The following GMDS variants were observed in gnomAD, a reference collection of about 807,000 sequenced individuals.
The protein encoded by GMDS is GDP-mannose 4,6 dehydratase.
Under a neutral mutation model 49.9 loss-of-function variants are expected in GMDS, and 20 were observed. That is an observed-to-expected ratio of 0.40 (90% confidence interval 0.28 to 0.58). The LOEUF (loss-of-function observed/expected upper bound fraction) is 0.58, where lower values mean the gene tolerates loss of function less well. Ranked by LOEUF, GMDS falls within the 20% of genes least tolerant of loss-of-function variation. The pLI is 0.42. For missense variants in GMDS, 362 were observed against 481.4 expected (o/e 0.75, Z 2.32); for synonymous variants, 177 against 178.6 (o/e 0.99, Z 0.07).
At chr6:1,883,933 T>G (rs1163659363) in intron 7 of GMDS, among the ~76,000 whole-genome samples, 2 of 152,222 alleles carry the variant, frequency 1.3e-5, no homozygotes, top group Non-Finnish European at 1.5e-5. Flanking sequence ...ATTACAAAAT[T>G]TATTACCTAG....
At chr6:1,715,145 A>T (rs1321048813) in intron 9 of GMDS, among the ~76,000 whole-genome samples, 1 of 152,242 alleles carries the variant, frequency 6.6e-6, no homozygotes, top group Non-Finnish European at 1.5e-5. Flanking sequence ...GTGAAAAGAC[A>T]TGTATAGAGG....
chr6:1,936,690 G>A (rs556115236), intron 6 of GMDS, among the ~76,000 whole-genome samples: 37 of 152,178 alleles, frequency 2.4e-4, no homozygotes, highest in Non-Finnish European at 5.4e-4. Context: ...ATAGAGGCCA[G>A]GCACAGTGGC....
At chr6:2,214,345 G>A (rs533265237) in intron 1 of GMDS, among the ~76,000 whole-genome samples, 122 of 152,130 alleles carry the variant, frequency 8.0e-4, no homozygotes, top group African/African-American at 2.5e-3. Context: ...TCCTCATTGA[G>A]GATTCAACCA....
chr6:1,897,407 G>T (rs1760257184), intron 7 of GMDS, among the ~76,000 whole-genome samples: 1 of 152,132 alleles, frequency 6.6e-6, no homozygotes. Context: ...AATTTTGGTT[G>T]GGGTTAGGTG....
chr6:1,866,787 T>A (rs1177998728), intron 7 of GMDS, among the ~76,000 whole-genome samples: 1 of 152,154 alleles, frequency 6.6e-6, no homozygotes. Flanking sequence ...GGGAGTACAC[T>A]TGCCACACAG....
intron 7 of GMDS, among the ~76,000 whole-genome samples, chr6:1,845,877 C>T (rs1035930428): frequency 2.0e-5 from 3 of 152,070 alleles, no homozygotes; most frequent in Admixed American, 2.0e-4. Flanking sequence ...TCCTAACAGG[C>T]CATGGACCAG....
intron 4 of GMDS, among the ~76,000 whole-genome samples, chr6:2,093,918 C>T (rs1420660372): frequency 6.6e-6 from 1 of 152,100 alleles, no homozygotes; most frequent in African/African-American, 2.4e-5. Flanking sequence ...ACCTGGAAAA[C>T]AGTGCTTATG....
chr6:2,190,717 ACCTATCACTG>A (rs1303368662), intron 1 of GMDS, among the ~76,000 whole-genome samples: 1 of 152,202 alleles, frequency 6.6e-6, no homozygotes, highest in African/African-American at 2.4e-5. Flanking sequence ...ACTTGGCAGC[ACCTATCACTG>A]CCTATCACAA....
chr6:1,943,397 A>G (rs1762910888), intron 6 of GMDS, among the ~76,000 whole-genome samples: 1 of 152,012 alleles, frequency 6.6e-6, no homozygotes, highest in Non-Finnish European at 1.5e-5. Context: ...ACTCACCTCA[A>G]CTGTGAGCTT....
At chr6:2,048,682 T>G (rs1770176680) in intron 4 of GMDS, among the ~76,000 whole-genome samples, 1 of 152,216 alleles carries the variant, frequency 6.6e-6, no homozygotes, top group Non-Finnish European at 1.5e-5. Flanking sequence ...TACTTTCTCT[T>G]AAGTCTTCTA....
intron 7 of GMDS, among the ~76,000 whole-genome samples, chr6:1,793,103 A>G (rs1450392107): frequency 6.6e-6 from 1 of 151,948 alleles, no homozygotes; most frequent in Non-Finnish European, 1.5e-5. Context: ...CCCTATCTAC[A>G]CTCACTGCAA....
At chr6:2,167,803 C>G (rs1777742624) in intron 1 of GMDS, among the ~76,000 whole-genome samples, 1 of 152,090 alleles carries the variant, frequency 6.6e-6, no homozygotes, top group African/African-American at 2.4e-5. Context: ...ACTTCCATTT[C>G]GGCAACATCC....
chr6:1,849,174 AAATT>A (rs1156302778), intron 7 of GMDS, among the ~76,000 whole-genome samples: 6 of 152,246 alleles, frequency 3.9e-5, no homozygotes, highest in African/African-American at 1.2e-4. Context: ...CTTGTTGATT[AAATT>A]AATTGTTAAA....
intron 8 of GMDS, among the ~76,000 whole-genome samples, chr6:1,730,720 A>G (rs1455280095): frequency 6.6e-6 from 1 of 152,202 alleles, no homozygotes; most frequent in African/African-American, 2.4e-5. Context: ...TCCTCTGGGC[A>G]TCAGAGATTC....
chr6:1,712,646 T>C (rs1766014385), intron 9 of GMDS, among the ~76,000 whole-genome samples: 1 of 152,168 alleles, frequency 6.6e-6, no homozygotes, highest in African/African-American at 2.4e-5. Context: ...TTTACTTTGA[T>C]GTCTCTGATG....
intron 1 of GMDS, among the ~76,000 whole-genome samples, chr6:2,234,929 C>G (rs190747123): frequency 1.3e-5 from 2 of 152,240 alleles, no homozygotes; most frequent in East Asian, 3.9e-4. Flanking sequence ...AGTTCGAGAC[C>G]AGCCTGACCA....
chr6:2,166,964 C>T (rs72830172), intron 1 of GMDS, among the ~76,000 whole-genome samples: 2 of 152,154 alleles, frequency 1.3e-5, no homozygotes, highest in South Asian at 2.1e-4. Context: ...CAGGGAAGAC[C>T]GTTGCCTCTA....
chr6:1,816,690 C>T (rs1174668458), intron 7 of GMDS, among the ~76,000 whole-genome samples: 1 of 152,148 alleles, frequency 6.6e-6, no homozygotes, highest in Non-Finnish European at 1.5e-5. Flanking sequence ...GTTTCTCCAC[C>T]TTTTCAACCA....
At chr6:1,705,744 G>C (rs145301280) in intron 9 of GMDS, among the ~76,000 whole-genome samples, 28 of 152,302 alleles carry the variant, frequency 1.8e-4, no homozygotes, top group South Asian at 6.2e-4. Context: ...GGAAGCTGGA[G>C]GACTTTCCAG....
Sources: allele counts gnomAD v4.1 joint callset (sites outside exome capture counted in the v4.1 genomes callset), GRCh38; gene constraint gnomAD v4.1.1; transcripts MANE v1.5; gene names NCBI Gene and HGNC (gene_info 2026-07-23, HGNC 2026-07-21).